Variants in FGGY observed in about 807,000 individuals in gnomAD.
FGGY encodes FGGY carbohydrate kinase domain-containing protein.
Under a neutral mutation model 71.3 loss-of-function variants are expected in FGGY, and 72 were observed. That is an observed-to-expected ratio of 1.01 (90% confidence interval 0.84 to 1.23). FGGY has a LOEUF of 1.23. Ranked by LOEUF, FGGY falls within the 50% of genes most tolerant of loss-of-function variation. FGGY has a pLI of 0.00. For synonymous variants in FGGY, 251 were observed against 250.3 expected, an observed-to-expected ratio of 1.00 and a Z score of -0.02; for missense variants, 668 against 682.3, an observed-to-expected ratio of 0.98 and a Z score of 0.23.
intron 10 of FGGY, among the ~76,000 whole-genome samples, chr1:59,635,720 A>C (rs1211962656): frequency 6.6e-6 from 1 of 152,212 alleles, no homozygotes; most frequent in Non-Finnish European, 1.5e-5. Context: ...AGAGATGGAA[A>C]ACCAGGAGGT....
intron 5 of FGGY, among the ~76,000 whole-genome samples, chr1:59,446,376 C>G (rs926476827): frequency 6.6e-6 from 1 of 151,988 alleles, no homozygotes; most frequent in Non-Finnish European, 1.5e-5. Flanking sequence ...CAAGTCTGAC[C>G]GAAAAAGCAA....
intron 5 of FGGY, among the ~76,000 whole-genome samples, chr1:59,449,784 G>A (rs1423000812): frequency 6.6e-6 from 1 of 152,002 alleles, no homozygotes; most frequent in East Asian, 1.9e-4. Flanking sequence ...GCAACATAGT[G>A]AGACCCCCAT....
intron 6 of FGGY, among the ~76,000 whole-genome samples, chr1:59,476,376 A>G (rs2093267314): frequency 6.6e-6 from 1 of 152,250 alleles, no homozygotes; most frequent in African/African-American, 2.4e-5. Context: ...TGAGGAAATT[A>G]AGGAAAGGAG....
At chr1:59,461,923 C>T (rs570389188) in intron 6 of FGGY, among the ~76,000 whole-genome samples, 31 of 151,626 alleles carry the variant, frequency 2.0e-4, no homozygotes, top group African/African-American at 7.5e-4. Flanking sequence ...TGTGCTGCAC[C>T]CATTAACTCC....
At chr1:59,587,802 G>A (rs1447930787) in intron 8 of FGGY, among the ~76,000 whole-genome samples, 22 of 152,014 alleles carry the variant, frequency 1.4e-4, no homozygotes, top group Non-Finnish European at 1.2e-4. Context: ...TCTGTACGTC[G>A]CCATCATCAA....
intron 2 of FGGY, among the ~76,000 whole-genome samples, chr1:59,322,736 G>A (rs941692166): frequency 6.6e-6 from 1 of 152,192 alleles, no homozygotes; most frequent in East Asian, 1.9e-4. Flanking sequence ...GGGAAGGAAA[G>A]CAATGCTTCA....
chr1:59,450,426 T>C lies in FGGY; in HGVS notation c.555-6535T>C, dbSNP rs2072433412. On this transcript the variant is annotated intron_variant, in intron 5 of 15. Transcript: ENST00000303721. The stretch of plus-strand genomic sequence containing the variant: ...CACATATTTAGCAGTTCTGATACTC[T>C]TCATTCCTTTGTGTGTGTTCACATT... Among the ~76,000 whole-genome samples, 3 of 152,306 alleles carry C rather than the reference T, an allele frequency of 2.0e-5. No individual in the cohort carries two copies. In the South Asian group the frequency reaches 6.2e-4, roughly 32 times the overall value.
intron 8 of FGGY, among the ~76,000 whole-genome samples, chr1:59,580,370 A>T (rs960546999): frequency 2.0e-5 from 3 of 152,036 alleles, no homozygotes; most frequent in African/African-American, 7.3e-5. Context: ...TTCTGGCAAG[A>T]GTTGCTTCCC....
intron 14 of FGGY, among the ~76,000 whole-genome samples, chr1:59,688,103 A>G (rs1186998567): frequency 1.3e-5 from 2 of 152,214 alleles, no homozygotes; most frequent in Non-Finnish European, 2.9e-5. Flanking sequence ...CAGGAGCCTC[A>G]GGTAGCTTAC....
intron 1 of FGGY, among the ~76,000 whole-genome samples, chr1:59,311,779 A>G (rs183361051): frequency 9.8e-4 from 150 of 152,308 alleles, no homozygotes; most frequent in African/African-American, 1.6e-3. Flanking sequence ...TGCTGGGTCA[A>G]GTGGTATTTC....
chr1:59,631,206 T>G (rs763225483), intron 10 of FGGY, among the ~76,000 whole-genome samples: 1 of 152,344 alleles, frequency 6.6e-6, no homozygotes. Context: ...ACCACTTTTC[T>G]TGAGTTTATA....
intron 2 of FGGY, among the ~76,000 whole-genome samples, chr1:59,335,063 A>G (rs1198645503): frequency 6.6e-6 from 1 of 152,154 alleles, no homozygotes; most frequent in African/African-American, 2.4e-5. Flanking sequence ...ACTCGTTTTA[A>G]AAGTATTTAA....
At chr1:59,480,711 A>T (rs1039643885) in intron 6 of FGGY, among the ~76,000 whole-genome samples, 3 of 152,216 alleles carry the variant, frequency 2.0e-5, no homozygotes, top group Non-Finnish European at 4.4e-5. Context: ...CAGAAGTGAC[A>T]GCATGAATAC....
At chr1:59,669,540 C>CTTTTTT (rs58004594) in intron 13 of FGGY, among the ~76,000 whole-genome samples, 137 of 102,476 alleles carry the variant, frequency 1.3e-3, no homozygotes, top group South Asian at 3.7e-3. Flanking sequence ...TTCTAGACTT[C>CTTTTTT]TTTTTTTTTT....
At chr1:59,546,355 G>A (rs1045800369) in intron 7 of FGGY, among the ~76,000 whole-genome samples, 2 of 124,524 alleles carry the variant, frequency 1.6e-5, no homozygotes, top group Non-Finnish European at 3.2e-5. Flanking sequence ...CATATATCTA[G>A]TAAATGTCTG....
At chr1:59,420,277 A>G (rs2065188150) in intron 5 of FGGY, among the ~76,000 whole-genome samples, 1 of 152,202 alleles carries the variant, frequency 6.6e-6, no homozygotes, top group Admixed American at 6.5e-5. Flanking sequence ...GGGTGGCTGG[A>G]TCAATGTCCA....
intron 12 of FGGY, among the ~76,000 whole-genome samples, chr1:59,665,875 A>T (rs989165221): frequency 2.0e-5 from 3 of 152,010 alleles, no homozygotes; most frequent in Non-Finnish European, 4.4e-5. Context: ...GGGTTTCACC[A>T]TATTAGCCAG....
At chr1:59,501,430 A>G (rs1304421738) in intron 6 of FGGY, among the ~76,000 whole-genome samples, 1 of 152,116 alleles carries the variant, frequency 6.6e-6, no homozygotes, top group East Asian at 1.9e-4. Context: ...TGTGAAAAAA[A>G]AAAGCAAAAT....
intron 5 of FGGY, among the ~76,000 whole-genome samples, chr1:59,395,040 ATTTTGGGCAGTTACACAGACTC>A (rs1416169717): frequency 3.3e-5 from 5 of 151,844 alleles, no homozygotes; most frequent in East Asian, 3.9e-4. Context: ...TTATTTGTGA[ATTTTGGGCAGTTACACAGACTC>A]TTTTGGGCAG....
Sources: gnomAD v4.1 joint callset for allele counts (sites outside exome capture counted in the v4.1 genomes callset) on GRCh38, gnomAD v4.1.1 for gene constraint, MANE v1.5 for transcripts, NCBI Gene and HGNC (gene_info 2026-07-23, HGNC 2026-07-21) for gene names.